The following PHF14 variants were observed in gnomAD, a reference collection of about 807,000 sequenced individuals.
PHF14 encodes the protein PHD finger protein 14.
In PHF14, 55 loss-of-function variants were observed where a neutral mutation model predicts 117.9. That is an observed-to-expected ratio of 0.47 (90% confidence interval 0.38 to 0.58). The LOEUF (loss-of-function observed/expected upper bound fraction) is 0.58. Among genes scored for constraint, PHF14 ranks in the 20% least tolerant of loss-of-function variants. PHF14 has a pLI of 0.00. For missense variants in PHF14, 978 were observed against 1,122.2 expected (o/e 0.87, Z 1.84); for synonymous variants, 409 against 368.6 (o/e 1.11, Z -1.26).
At chr7:11,126,775 GA>G (rs748777005) in intron 17 of PHF14, among the ~76,000 whole-genome samples, 1,650 of 99,996 alleles carry the variant, frequency 0.017, 21 homozygotes, top group African/African-American at 0.042. Flanking sequence ...GCAATAGGAT[GA>G]AAAAAAAAAA....
chr7:11,114,655 C>T (rs2128344207), intron 17 of PHF14, among the ~76,000 whole-genome samples: 1 of 152,222 alleles, frequency 6.6e-6, no homozygotes, highest in African/African-American at 2.4e-5. Flanking sequence ...ATCAACTCTT[C>T]ATAAACCTAA....
At chr7:11,110,858 G>A (rs1201429287) in intron 16 of PHF14, 4 of 152,228 alleles carry the variant, frequency 2.6e-5, no homozygotes, top group African/African-American at 9.7e-5. Context: ...GGTCCAAATT[G>A]TATAGCATTG....
intron 5 of PHF14, among the ~76,000 whole-genome samples, chr7:11,015,439 C>T (rs905286398): frequency 6.6e-6 from 1 of 152,126 alleles, no homozygotes; most frequent in East Asian, 1.9e-4. Flanking sequence ...GATGTATTGA[C>T]ATGAATCTGT....
intron 17 of PHF14, among the ~76,000 whole-genome samples, chr7:11,126,370 C>T (rs1474231307): frequency 1.3e-5 from 2 of 151,962 alleles, no homozygotes; most frequent in Non-Finnish European, 2.9e-5. Flanking sequence ...ATTATTTACT[C>T]TTTTATAAGC....
chr7:11,017,256 A>T (rs991654872), intron 5 of PHF14, among the ~76,000 whole-genome samples: 29 of 151,692 alleles, frequency 1.9e-4, no homozygotes, highest in African/African-American at 6.3e-4. Context: ...TTTCTTTCGG[A>T]TGTATACCCA....
chr7:11,116,118 A>G (rs1297954991), intron 17 of PHF14, among the ~76,000 whole-genome samples: 4 of 152,074 alleles, frequency 2.6e-5, no homozygotes, highest in Middle Eastern at 3.4e-3. Flanking sequence ...GAATGTTATT[A>G]TTTATTGTTA....
In PHF14 at chr7:11,061,760, GTTTTTTGTTTTT is replaced by G. The variant is rs753806676; in HGVS notation, c.2482-16_2482-5del. ...AACATTAGATATACTGTGGATTTTT[GTTTTTTGTTTTT>G]TTTTTTGTTTTTTTCCAGAGAACCA... On this transcript the variant is annotated intron_variant, in intron 14 of 17. Transcript: ENST00000634607. The G allele has an allele frequency of 2.5e-5, 37 of 1,469,686 alleles. No individual in the cohort carries two copies. The highest frequency in any genetic ancestry group is 5.8e-5 in the African/African-American group (4 of 68,808). The allele number at this position is 1,469,686 out of a possible 1,614,324, so 91.0% of individuals were successfully genotyped here. A position where few individuals can be genotyped will look rare whatever the true frequency, so the allele number is the denominator to read the frequency against.
At chr7:11,154,063 A>G (rs1038840089) in intron 17 of PHF14, among the ~76,000 whole-genome samples, 1 of 151,946 alleles carries the variant, frequency 6.6e-6, no homozygotes, top group Non-Finnish European at 1.5e-5. Context: ...GGTAGGGTCT[A>G]CCATGATAAT....
At chr7:11,076,567 CTTTTT>C (rs71023886) in intron 16 of PHF14, among the ~76,000 whole-genome samples, 2 of 124,754 alleles carry the variant, frequency 1.6e-5, no homozygotes, top group East Asian at 2.3e-4. Context: ...TTTTCTTTTT[CTTTTT>C]TTTTTTTTTT....
chr7:10,980,288 C>T (rs1295233595), intron 2 of PHF14, among the ~76,000 whole-genome samples: 2 of 152,136 alleles, frequency 1.3e-5, no homozygotes, highest in African/African-American at 4.8e-5. Flanking sequence ...TCATCTTCAT[C>T]TCCTAGCTCT....
intron 16 of PHF14, among the ~76,000 whole-genome samples, chr7:11,073,532 C>G (rs1785705355): frequency 6.6e-6 from 1 of 152,182 alleles, no homozygotes. Context: ...CTTGGCTGCT[C>G]TCATGGGTTG....
intron 17 of PHF14, among the ~76,000 whole-genome samples, chr7:11,122,198 T>G (rs1276858722): frequency 6.6e-6 from 1 of 151,178 alleles, no homozygotes; most frequent in Non-Finnish European, 1.5e-5. Context: ...AACTCATTCT[T>G]TTTTATGGCT....
At chr7:11,005,011 C>T (rs981369707) in intron 4 of PHF14, among the ~76,000 whole-genome samples, 18 of 150,768 alleles carry the variant, frequency 1.2e-4, no homozygotes, top group East Asian at 1.2e-3. Flanking sequence ...AGCGAGATTC[C>T]GTCTCAAAAA....
intron 14 of PHF14, among the ~76,000 whole-genome samples, chr7:11,058,332 C>G (rs1562444265): frequency 6.6e-6 from 1 of 151,844 alleles, no homozygotes; most frequent in Admixed American, 6.6e-5. Flanking sequence ...TTCAAGATAA[C>G]TTGTCTGTTG....
intron 3 of PHF14, among the ~76,000 whole-genome samples, chr7:10,986,512 A>G (rs1782231554): frequency 6.6e-6 from 1 of 152,192 alleles, no homozygotes; most frequent in Non-Finnish European, 1.5e-5. Flanking sequence ...TACCTACTGA[A>G]AGAGAGTTCA....
rs558142659 is a variant in PHF14 at position 11,105,814 on chromosome 7, T to C, written c.2655-5536T>C. ...AAGATGTAATGTAATTGGATGCACA[T>C]GCTGGGCTTTGTAAATAAAATGAGA... On this transcript the variant is annotated intron_variant, in intron 16 of 17. Transcript: ENST00000634607. The C allele has an allele frequency of 2.3e-5, 23 of 984,722 alleles. No individual in the cohort carries two copies. The East Asian group carries it at 1.8e-3, about 78-fold the overall frequency. 61.0% of individuals were successfully genotyped at this position (984,722 alleles called of 1,614,324 possible). A position where few individuals can be genotyped will look rare whatever the true frequency, so the allele number is the denominator to read the frequency against.
At chr7:11,133,286 A>T (rs565315163) in intron 17 of PHF14, among the ~76,000 whole-genome samples, 3 of 151,812 alleles carry the variant, frequency 2.0e-5, no homozygotes, top group African/African-American at 7.2e-5. Flanking sequence ...GACTGACACT[A>T]CCCAACTTTA....
At chr7:11,078,602 A>G (rs1358696976) in intron 16 of PHF14, among the ~76,000 whole-genome samples, 3 of 152,190 alleles carry the variant, frequency 2.0e-5, no homozygotes, top group East Asian at 3.9e-4. Flanking sequence ...TCAGAAATGC[A>G]AAGTATTATT....
At chr7:11,018,918 A>G (rs1440914887) in intron 5 of PHF14, among the ~76,000 whole-genome samples, 1 of 152,224 alleles carries the variant, frequency 6.6e-6, no homozygotes. Flanking sequence ...ATGTCTTTCT[A>G]TCCCGTTTTT....
Sources: allele counts gnomAD v4.1 joint callset (sites outside exome capture counted in the v4.1 genomes callset), GRCh38; gene constraint gnomAD v4.1.1; transcripts MANE v1.5; gene names NCBI Gene and HGNC (gene_info 2026-07-23, HGNC 2026-07-21).